POU6F2: variants seen among roughly 807,000 people sequenced by gnomAD.
POU6F2 encodes POU domain, class 6, transcription factor 2.
Under a neutral mutation model 71.3 loss-of-function variants are expected in POU6F2, and 31 were observed. The observed-to-expected ratio is 0.43, with a 90% CI of 0.33 to 0.59. POU6F2 has a LOEUF of 0.59. Ranked by LOEUF, POU6F2 falls within the 20% of genes least tolerant of loss-of-function variation. POU6F2 has a pLI of 0.04. For synonymous variants in POU6F2, 347 were observed against 355.7 expected (o/e 0.98, Z 0.27); for missense variants, 783 against 856.8 (o/e 0.91, Z 1.07).
At chr7:39,041,729 A>C (rs546907312) in intron 1 of POU6F2, among the ~76,000 whole-genome samples, 1 of 151,954 alleles carries the variant, frequency 6.6e-6, no homozygotes, top group South Asian at 2.1e-4. Flanking sequence ...ATAAGAGATA[A>C]AATTTTGCCT....
intron 1 of POU6F2, among the ~76,000 whole-genome samples, chr7:39,046,180 G>A (rs756028227): frequency 6.6e-6 from 1 of 151,796 alleles, no homozygotes; most frequent in Non-Finnish European, 1.5e-5. Context: ...TCTCATTGTG[G>A]TTTAATTTGC....
Position 39,005,278 on chromosome 7 carries a change from T to C in POU6F2, c.105+27220T>C, listed in dbSNP as rs151285393. On this transcript the variant is annotated intron_variant, in intron 1 of 9. Transcript: ENST00000518318. ...TTCCAACTAGGTCGATGCTTCATGC[T>C]GATGTGTTGAAAACATTTAAAAAAT... 5 of 152,374 alleles carry C rather than the reference T, an allele frequency of 3.3e-5. No individual in the cohort carries two copies. In the East Asian group the frequency reaches 9.6e-4, roughly 29 times the overall value. The allele number at this position is 152,374 out of a possible 1,614,324, so 9.4% of individuals were successfully genotyped here. A position where few individuals can be genotyped will look rare whatever the true frequency, so the allele number is the denominator to read the frequency against.
intron 1 of POU6F2, among the ~76,000 whole-genome samples, chr7:39,027,332 A>G (rs963834131): frequency 6.6e-6 from 1 of 152,170 alleles, no homozygotes; most frequent in Non-Finnish European, 1.5e-5. Flanking sequence ...AACACTCACT[A>G]GGCTTATGCC....
chr7:39,357,310 G>A (rs1032839666), intron 5 of POU6F2, among the ~76,000 whole-genome samples: 1 of 152,100 alleles, frequency 6.6e-6, no homozygotes, highest in Non-Finnish European at 1.5e-5. Flanking sequence ...AACACTGCTG[G>A]GCACTTAACA....
Position 39,098,314 on chromosome 7 carries a change from A to G in POU6F2, c.277+12283A>G, listed in dbSNP as rs139465077. ...TTTTTCTGAGACAAGGTCTTGCTCT[A>G]TCACCCAGGCTGGAGTACGGTGGTA... On this transcript the variant is annotated intron_variant, in intron 2 of 9. Coordinates refer to ENST00000518318, the MANE Select transcript of POU6F2 (RefSeq NM_001370959.1). Among the ~76,000 whole-genome samples the G allele has an allele frequency of 6.6e-5, 10 of 151,968 alleles. No homozygotes were observed. The East Asian group carries it at 1.5e-3, about 24-fold the overall frequency.
chr7:39,182,450 T>C (rs919411174), intron 2 of POU6F2, among the ~76,000 whole-genome samples: 1 of 152,232 alleles, frequency 6.6e-6, no homozygotes, highest in Non-Finnish European at 1.5e-5. Flanking sequence ...ATTATTCCAA[T>C]GGAACTGCCC....
At chr7:39,242,367 C>G (rs1181041672) in intron 4 of POU6F2, among the ~76,000 whole-genome samples, 1 of 133,046 alleles carries the variant, frequency 7.5e-6, no homozygotes, top group African/African-American at 2.8e-5. Context: ...TTCATGTTGT[C>G]AGTTTTTGTT....
rs1433090515 is a variant in POU6F2 at position 39,433,186 on chromosome 7, C to T, written c.1223C>T (p.Ala408Val). 8.7e-6 allele frequency: 14 copies of T among 1,613,788 alleles called. No homozygotes were observed. Among genetic ancestry groups the T allele is most frequent in the Non-Finnish European group, 1.1e-5 (13 of 1,179,900 alleles). The change falls in exon 7 of 10, where the codon GCC becomes GTC. Residue 408 changes from alanine to valine, a missense_variant. This residue lies in a region of POU6F2 where 572 missense variants were observed against 572.9 expected (regional missense o/e 1.00). Transcript: ENST00000518318. ...QPITPQLLTN[A>V]QGQIIATVIG... ...ATCACCCCCCAGCTCCTCACAAACG[C>T]CCAGGGCCAGATCATCGCCACAGTC...
At chr7:39,459,433 C>A (rs756712479) in intron 8 of POU6F2, among the ~76,000 whole-genome samples, 4 of 150,544 alleles carry the variant, frequency 2.7e-5, no homozygotes, top group African/African-American at 7.4e-5. Context: ...ATTTGGCGTG[C>A]AAATGTTCTG....
At chr7:39,193,611 A>G (rs1793715389) in intron 2 of POU6F2, among the ~76,000 whole-genome samples, 1 of 152,240 alleles carries the variant, frequency 6.6e-6, no homozygotes, top group Admixed American at 6.5e-5. Context: ...CAAAATGGGA[A>G]TGATGGTCCT....
chr7:39,451,609 C>T lies in POU6F2; in HGVS notation c.1397C>T (p.Ala466Val). The T allele has an allele frequency of 6.2e-7, 1 of 1,613,722 alleles. No individual in the cohort carries two copies. Residue 466 changes from alanine to valine, a missense_variant, in exon 8 of 10, where the codon GCA becomes GTA. By Grantham distance (64) the Ala-to-Val change is moderately conservative. This residue lies in a region of POU6F2 where 572 missense variants were observed against 572.9 expected (regional missense o/e 1.00). Coordinates refer to ENST00000518318, the MANE Select transcript of POU6F2 (RefSeq NM_001370959.1). ...CTTCTGCACCTGGCTCACAGCCAAG[C>T]ATCCATGTCTCAAAGTCCCGTCCGG... ...GNLLHLAHSQ[A>V]SMSQSPVRQA...
intron 4 of POU6F2, among the ~76,000 whole-genome samples, chr7:39,232,244 T>A (rs1382405525): frequency 1.3e-5 from 2 of 152,216 alleles, no homozygotes; most frequent in Non-Finnish European, 2.9e-5. Flanking sequence ...TCTTCTGATA[T>A]TAACTAGATG....
chr7:39,246,638 G>A (rs1783826402), intron 4 of POU6F2, among the ~76,000 whole-genome samples: 1 of 152,146 alleles, frequency 6.6e-6, no homozygotes, highest in Non-Finnish European at 1.5e-5. Context: ...GGATGACTCT[G>A]AGAATGAGCT....
chr7:39,296,612 G>A (rs925373721), intron 4 of POU6F2, among the ~76,000 whole-genome samples: 2 of 152,200 alleles, frequency 1.3e-5, no homozygotes, highest in Non-Finnish European at 2.9e-5. Context: ...CACAGTCTGT[G>A]CTGGTGGTGT....
chr7:39,376,672 G>A (rs965251356), intron 5 of POU6F2, among the ~76,000 whole-genome samples: 33 of 152,244 alleles, frequency 2.2e-4, no homozygotes, highest in South Asian at 1.2e-3. Flanking sequence ...TCCTACAACT[G>A]TAAATTTATT....
At chr7:39,189,081 A>G (rs1793604411) in intron 2 of POU6F2, among the ~76,000 whole-genome samples, 1 of 152,242 alleles carries the variant, frequency 6.6e-6, no homozygotes, top group Non-Finnish European at 1.5e-5. Context: ...AGAGAAGAGC[A>G]GCCCCTAACA....
intron 2 of POU6F2, among the ~76,000 whole-genome samples, chr7:39,196,881 A>G (rs912073038): frequency 6.6e-6 from 1 of 152,222 alleles, no homozygotes; most frequent in Non-Finnish European, 1.5e-5. Flanking sequence ...TTGAAGGAAA[A>G]CTAGTAACCC....
At chr7:39,152,100 C>G (rs562895196) in intron 2 of POU6F2, among the ~76,000 whole-genome samples, 1 of 152,042 alleles carries the variant, frequency 6.6e-6, no homozygotes, top group Non-Finnish European at 1.5e-5. Context: ...TGCAGTGAAC[C>G]GTGAGTTTTA....
At chr7:39,312,189 G>GAA (rs11310175) in intron 4 of POU6F2, among the ~76,000 whole-genome samples, 5 of 150,580 alleles carry the variant, frequency 3.3e-5, no homozygotes, top group Non-Finnish European at 7.4e-5. Flanking sequence ...GTAGAAAAAA[G>GAA]AAAAAAAAAA....
Sources: gnomAD v4.1 joint callset for allele counts (sites outside exome capture counted in the v4.1 genomes callset) on GRCh38, gnomAD v4.1.1 for gene constraint, gnomAD v4.1.1 regional missense constraint, MANE v1.5 for transcripts, NCBI Gene and HGNC (gene_info 2026-07-23, HGNC 2026-07-21) for gene names.